Variants in ANKS1B observed in about 807,000 individuals in gnomAD.
ANKS1B encodes the protein ankyrin repeat and sterile alpha motif domain-containing protein 1B.
A neutral mutation model predicts 148.3 loss-of-function variants in ANKS1B; 36 were observed. The ratio of observed to expected loss-of-function variants is 0.24; its 90% CI spans 0.19 to 0.32. The LOEUF (loss-of-function observed/expected upper bound fraction) is 0.32. Among genes scored for constraint, ANKS1B ranks in the 10% least tolerant of loss-of-function variants. ANKS1B has a pLI of 1.00. For missense variants in ANKS1B, 1,157 were observed against 1,542.6 expected (o/e 0.75, Z 4.19); for synonymous variants, 542 against 560.8 (o/e 0.97, Z 0.47).
chr12:99,580,027 A>G (rs1212243513), intron 9 of ANKS1B, among the ~76,000 whole-genome samples: 2 of 152,204 alleles, frequency 1.3e-5, no homozygotes, highest in Non-Finnish European at 2.9e-5. Context: ...ATAAAAAGGA[A>G]TGAAATTATG....
At chr12:99,025,163 A>C (rs1250657210) in intron 17 of ANKS1B, among the ~76,000 whole-genome samples, 4 of 152,156 alleles carry the variant, frequency 2.6e-5, no homozygotes, top group Admixed American at 6.6e-5. Context: ...CCATCACCTA[A>C]AAGAACTCAG....
At chr12:99,810,446 C>T (rs139689847) in intron 3 of ANKS1B, among the ~76,000 whole-genome samples, 310 of 151,748 alleles carry the variant, frequency 2.0e-3, no homozygotes, top group Non-Finnish European at 3.6e-3. Context: ...AATAAAAATC[C>T]TACATCAAAA....
intron 22 of ANKS1B, 41 bp from the exon 23 acceptor site, chr12:98,782,178 G>A (rs753529865): frequency 1.3e-6 from 2 of 1,551,258 alleles, no homozygotes; most frequent in Middle Eastern, 1.7e-4. Flanking sequence ...AACATAATAG[G>A]AGAGAAAACA....
At chr12:98,976,803 A>G (rs991359553) in intron 17 of ANKS1B, 1 of 152,258 alleles carries the variant, frequency 6.6e-6, no homozygotes, top group African/African-American at 2.4e-5. Context: ...TAAATAGCAG[A>G]ACGTGAATTG....
At chr12:99,190,473 T>C (rs1601547890) in intron 14 of ANKS1B, among the ~76,000 whole-genome samples, 1 of 152,172 alleles carries the variant, frequency 6.6e-6, no homozygotes, top group Non-Finnish European at 1.5e-5. Flanking sequence ...CAAAACAGCA[T>C]GATATTGTTA....
intron 1 of ANKS1B, among the ~76,000 whole-genome samples, chr12:99,881,014 T>C (rs1234003006): frequency 2.0e-5 from 3 of 152,204 alleles, no homozygotes. Flanking sequence ...ATTTGAGGGC[T>C]CCAAAGAGTA....
chr12:99,844,370 T>G (rs970390983), intron 1 of ANKS1B, among the ~76,000 whole-genome samples: 1 of 152,196 alleles, frequency 6.6e-6, no homozygotes, highest in Non-Finnish European at 1.5e-5. Flanking sequence ...TTTCTAGTTT[T>G]AGGCTCTACA....
chr12:99,695,194 T>C (rs1396132435), intron 8 of ANKS1B, among the ~76,000 whole-genome samples: 1 of 140,448 alleles, frequency 7.1e-6, no homozygotes, highest in African/African-American at 3.0e-5. Context: ...CCTATAGAAG[T>C]TGACGTTTTA....
chr12:99,196,807 T>A (rs1036260055), intron 14 of ANKS1B, among the ~76,000 whole-genome samples: 3 of 151,972 alleles, frequency 2.0e-5, no homozygotes, highest in Non-Finnish European at 4.4e-5. Flanking sequence ...AGTGACCCAA[T>A]GAAAAGAAAA....
intron 17 of ANKS1B, among the ~76,000 whole-genome samples, chr12:98,844,197 C>G (rs1286630404): frequency 6.6e-6 from 1 of 152,212 alleles, no homozygotes; most frequent in African/African-American, 2.4e-5. Context: ...TACTTAACGT[C>G]TCTCAGTATC....
At chr12:99,489,607 C>G (rs79999193) in intron 10 of ANKS1B, among the ~76,000 whole-genome samples, 5,994 of 152,212 alleles carry the variant, frequency 0.039, 168 homozygotes, top group South Asian at 0.084. Context: ...TCAAGATTTA[C>G]ACAAATCACT....
intron 1 of ANKS1B, among the ~76,000 whole-genome samples, chr12:99,972,678 C>T (rs2095574264): frequency 6.6e-6 from 1 of 152,184 alleles, no homozygotes; most frequent in African/African-American, 2.4e-5. Context: ...GCAGAAGCTG[C>T]AGCAAGTTAT....
At position 99,517,764 on chromosome 12, in the gene ANKS1B, G is replaced by A. The variant is rs187874753; in HGVS notation, c.1273-13123C>T. On this transcript the variant is annotated intron_variant, in intron 9 of 26. Transcript: ENST00000683438. ...GACTTCCAGTACTATGCTGACTAACGGTGGCAAAAGTGATAATCCTTGTTG... is the reference window on the plus strand; with the variant it reads ...GACTTCCAGTACTATGCTGACTAACAGTGGCAAAAGTGATAATCCTTGTTG... 9.9e-5 allele frequency among the ~76,000 whole-genome samples: 15 copies of A among 152,084 alleles called. No individual in the cohort carries two copies. The East Asian group carries it at 1.5e-3, about 16-fold the overall frequency.
At chr12:98,793,770 A>G (rs2098916659) in intron 22 of ANKS1B, among the ~76,000 whole-genome samples, 1 of 152,202 alleles carries the variant, frequency 6.6e-6, no homozygotes. Context: ...ATTGAATATA[A>G]TGGCTTACCT....
chr12:99,243,136 G>A (rs2089666864), intron 14 of ANKS1B, among the ~76,000 whole-genome samples: 1 of 152,132 alleles, frequency 6.6e-6, no homozygotes, highest in African/African-American at 2.4e-5. Flanking sequence ...ATCTGACAAA[G>A]GGTTAATATC....
intron 1 of ANKS1B, among the ~76,000 whole-genome samples, chr12:99,844,398 T>A (rs973299818): frequency 6.6e-6 from 1 of 152,160 alleles, no homozygotes; most frequent in Non-Finnish European, 1.5e-5. Context: ...CTTTAATATA[T>A]CTTGAGTTGA....
At chr12:99,169,354 T>C (rs1184276852) in intron 14 of ANKS1B, among the ~76,000 whole-genome samples, 5 of 152,196 alleles carry the variant, frequency 3.3e-5, no homozygotes, top group African/African-American at 1.2e-4. Context: ...TAAAATGATT[T>C]GGCAGAGGCA....
chr12:98,838,646 G>A lies in ANKS1B; in HGVS notation c.2779-6510C>T, dbSNP rs2099388761. Among the ~76,000 whole-genome samples, 3 of 152,232 alleles carry A rather than the reference G, an allele frequency of 2.0e-5. No homozygotes were observed. In the South Asian group the frequency reaches 6.2e-4, roughly 32 times the overall value. ...AGGGAGGGAGTTCATCCTGCATTTGGAACTCCCTTCCATTTTAGGGGGTAG... is the reference window on the plus strand; with the variant it reads ...AGGGAGGGAGTTCATCCTGCATTTGAAACTCCCTTCCATTTTAGGGGGTAG... On this transcript the variant is annotated intron_variant, in intron 17 of 26. Transcript: ENST00000683438.
At chr12:99,248,281 T>C (rs12306476) in intron 12 of ANKS1B, among the ~76,000 whole-genome samples, 2,564 of 152,278 alleles carry the variant, frequency 0.017, 83 homozygotes, top group African/African-American at 0.059. Context: ...GCCTGGGAAC[T>C]GGTGAAAGCA....
Sources: allele counts gnomAD v4.1 joint callset (sites outside exome capture counted in the v4.1 genomes callset), GRCh38; gene constraint gnomAD v4.1.1; transcripts MANE v1.5; gene names NCBI Gene and HGNC (gene_info 2026-07-23, HGNC 2026-07-21).